The following COL4A6 variants were observed in gnomAD, a reference collection of about 807,000 sequenced individuals.
COL4A6 encodes the protein collagen type IV alpha 6 chain.
A neutral mutation model predicts 126.7 loss-of-function variants in COL4A6; 59 were observed. The observed-to-expected ratio is 0.47, with a 90% CI of 0.38 to 0.58. The LOEUF (loss-of-function observed/expected upper bound fraction) is 0.58, where lower values mean the gene tolerates loss of function less well. Ranked by LOEUF, COL4A6 falls within the 20% of genes least tolerant of loss-of-function variation. The pLI is 0.00. For synonymous variants in COL4A6, 547 were observed against 496.6 expected (o/e 1.10, Z -1.35); for missense variants, 1,285 against 1,337.3 (o/e 0.96, Z 0.61).
intron 2 of COL4A6, among the ~76,000 whole-genome samples, chrX:108,343,029 A>G (rs750494668): frequency 9.3e-6 from 1 of 107,007 alleles, no homozygotes; most frequent in Non-Finnish European, 1.9e-5. Context: ...TACTTTTTTT[A>G]ATGTGTGTAG....
intron 2 of COL4A6, among the ~76,000 whole-genome samples, chrX:108,311,163 A>C (rs769539432): frequency 8.9e-6 from 1 of 111,946 alleles, no homozygotes; most frequent in African/African-American, 3.2e-5. Flanking sequence ...GTGTCCAGTG[A>C]CTTATGGATT....
chrX:108,321,880 C>G (rs2039040144), intron 2 of COL4A6, among the ~76,000 whole-genome samples: 1 of 110,442 alleles, frequency 9.1e-6, no homozygotes, highest in South Asian at 3.9e-4. Flanking sequence ...CTGAACTGTT[C>G]CACCTCCACC....
chrX:108,177,398 G>T (rs760622206), intron 27 of COL4A6, among the ~76,000 whole-genome samples: 10 of 112,218 alleles, frequency 8.9e-5, no homozygotes, highest in African/African-American at 3.2e-4. Flanking sequence ...CGCCACAATG[G>T]CTGTTTCCTG....
intron 3 of COL4A6, among the ~76,000 whole-genome samples, chrX:108,281,042 T>C (rs1156651391): frequency 1.5e-4 from 16 of 103,595 alleles, no homozygotes; most frequent in African/African-American, 4.6e-4. Flanking sequence ...AATATCATAC[T>C]GAATGGGCAA....
chrX:108,210,149 T>C lies in COL4A6; in HGVS notation c.511-145A>G, dbSNP rs1004295883. 1.5e-5 allele frequency: 8 copies of C among 527,926 alleles called. 1 individual carries two copies. The highest frequency in any genetic ancestry group is 2.4e-5 in the African/African-American group (1 of 41,862). The allele number at this position is 527,926 out of a possible 1,213,427, so 43.5% of individuals were successfully genotyped here. A position where few individuals can be genotyped will look rare whatever the true frequency, so the allele number is the denominator to read the frequency against. Reference sequence around the variant, plus strand: ...AAAGTCTTGTGTTTTAAATAATGTATGAATTGGACATATTCGACTGTTTAG... The same window carrying C: ...AAAGTCTTGTGTTTTAAATAATGTACGAATTGGACATATTCGACTGTTTAG... On this transcript the variant is annotated intron_variant, in intron 7 of 44. Coordinates refer to ENST00000334504, the MANE Select transcript of COL4A6 (RefSeq NM_033641.4).
intron 2 of COL4A6, among the ~76,000 whole-genome samples, chrX:108,392,361 A>C (rs1356412061): frequency 2.7e-5 from 3 of 110,891 alleles, no homozygotes; most frequent in African/African-American, 9.8e-5. Flanking sequence ...CAAATCATCT[A>C]TCTGATAAGG....
intron 3 of COL4A6, among the ~76,000 whole-genome samples, chrX:108,243,289 T>C (rs1002097894): frequency 9.7e-6 from 1 of 102,951 alleles, no homozygotes; most frequent in African/African-American, 3.5e-5. Flanking sequence ...TTCAAATTCA[T>C]ATGTTGAAGC....
upstream of COL4A6, chrX:108,439,288 T>G (rs1603240559): frequency 2.3e-5 from 11 of 468,915 alleles, no homozygotes; most frequent in East Asian, 4.8e-4. Flanking sequence ...CAATACCTGC[T>G]GAATGCTCCC....
At chrX:108,427,777 T>G (rs1285087610) in intron 2 of COL4A6, among the ~76,000 whole-genome samples, 1 of 111,946 alleles carries the variant, frequency 8.9e-6, no homozygotes, top group East Asian at 2.8e-4. Context: ...CAGTTAGGTC[T>G]GCTGTAGGGA....
chrX:108,338,457 A>G (rs1053645708), intron 2 of COL4A6, among the ~76,000 whole-genome samples: 7 of 112,257 alleles, frequency 6.2e-5, no homozygotes, highest in Non-Finnish European at 9.4e-5. Context: ...ATGCCCACAT[A>G]TAGTTCTTTC....
rs2034345641 is a variant in COL4A6, at chrX:108,172,551, A to C, written c.3139-19T>G. 1 of 1,180,299 alleles carries C rather than the reference A, an allele frequency of 8.5e-7. No homozygotes were observed. The highest frequency in any genetic ancestry group is 1.1e-6 in the Non-Finnish European group (1 of 875,033). ...GTGAACCCTTCGAAGCAATATGGGAATCATCATTTCTGCCCAGAGCTCAGG... is the reference window on the plus strand; with the variant it reads ...GTGAACCCTTCGAAGCAATATGGGACTCATCATTTCTGCCCAGAGCTCAGG... On this transcript the variant is annotated intron_variant, in intron 31 of 44. Coordinates refer to ENST00000334504, the MANE Select transcript of COL4A6 (RefSeq NM_033641.4).
intron 2 of COL4A6, among the ~76,000 whole-genome samples, chrX:108,340,935 G>A (rs1406435790): frequency 9.1e-6 from 1 of 110,419 alleles, no homozygotes; most frequent in East Asian, 2.8e-4. Context: ...TGCTTTAGAA[G>A]CTTATGGAGG....
intron 23 of COL4A6, among the ~76,000 whole-genome samples, chrX:108,183,207 C>G (rs1240782270): frequency 8.9e-6 from 1 of 111,989 alleles, no homozygotes; most frequent in African/African-American, 3.2e-5. Flanking sequence ...TCTGCTCTAC[C>G]CATGTTCTGT....
At chrX:108,173,515 T>C (rs1344996015) in intron 31 of COL4A6, among the ~76,000 whole-genome samples, 1 of 110,323 alleles carries the variant, frequency 9.1e-6, no homozygotes, top group Non-Finnish European at 1.9e-5. Flanking sequence ...CACACCAAGT[T>C]CTCTCCATCA....
chrX:108,222,803 T>G (rs1318166420), intron 3 of COL4A6, among the ~76,000 whole-genome samples: 1 of 112,064 alleles, frequency 8.9e-6, no homozygotes, highest in Non-Finnish European at 1.9e-5. Context: ...TACCTCCCAT[T>G]GTTGGAACTT....
At chrX:108,395,403 T>G (rs2040942548) in intron 2 of COL4A6, among the ~76,000 whole-genome samples, 1 of 111,901 alleles carries the variant, frequency 8.9e-6, no homozygotes, top group African/African-American at 3.2e-5. Flanking sequence ...AAAGGAACTT[T>G]CTTTAGGTGA....
At position 108,339,421 on chromosome X, in the gene COL4A6, C is replaced by T. The variant is rs144223536; in HGVS notation, c.64-28593G>A. 3.6e-3 allele frequency among the ~76,000 whole-genome samples: 403 copies of T among 111,684 alleles called. 2 individuals carry two copies. The highest frequency in any genetic ancestry group is 0.013 in the African/African-American group (391 of 30,814). On this transcript the variant is annotated intron_variant, in intron 2 of 44. Transcript: ENST00000334504. ...TCTTCTATACCACATTTGCTCCCTC[C>T]ATGTTCTCTTCCTCTTCCTAGAGTA...
At chrX:108,341,094 G>T in intron 2 of COL4A6, among the ~76,000 whole-genome samples, 1 of 111,097 alleles carries the variant, frequency 9.0e-6, no homozygotes, top group Middle Eastern at 4.6e-3. Context: ...CATGCAACAG[G>T]GGATGTATCT....
At chrX:108,339,954 G>T (rs913399335) in intron 2 of COL4A6, among the ~76,000 whole-genome samples, 12 of 110,637 alleles carry the variant, frequency 1.1e-4, no homozygotes, top group African/African-American at 3.9e-4. Context: ...CACCTTAGTC[G>T]ATCCTCCTCC....
Sources: allele counts gnomAD v4.1 joint callset (sites outside exome capture counted in the v4.1 genomes callset), GRCh38; gene constraint gnomAD v4.1.1; transcripts MANE v1.5; gene names NCBI Gene and HGNC (gene_info 2026-07-23, HGNC 2026-07-21).